The following CFDP1 variants were observed in gnomAD, a reference collection of about 807,000 sequenced individuals.
CFDP1 encodes heterochromatin-stabilizing protein CFDP1.
Under a neutral mutation model 40.1 loss-of-function variants are expected in CFDP1, and 31 were observed. That is an observed-to-expected ratio of 0.77 (90% CI 0.58 to 1.04). The LOEUF (loss-of-function observed/expected upper bound fraction) is 1.04, where lower values mean the gene tolerates loss of function less well. Among genes scored for constraint, CFDP1 ranks in the 50% least tolerant of loss-of-function variants. The pLI is 0.00. For synonymous variants in CFDP1, 167 were observed against 120.0 expected, an observed-to-expected ratio of 1.39 and a Z score of -2.56; for missense variants, 423 against 343.4, an observed-to-expected ratio of 1.23 and a Z score of -1.83.
intron 5 of CFDP1, among the ~76,000 whole-genome samples, chr16:75,351,719 G>T (rs1482182453): frequency 3.9e-5 from 6 of 152,148 alleles, no homozygotes; most frequent in Admixed American, 3.9e-4. Context: ...GATATGAAAA[G>T]GTAAATAGCC....
intron 5 of CFDP1, among the ~76,000 whole-genome samples, chr16:75,335,945 A>T (rs2078485173): frequency 1.3e-5 from 2 of 152,300 alleles, no homozygotes; most frequent in African/African-American, 4.8e-5. Flanking sequence ...TAGCGGTTCG[A>T]CCTAACACAA....
At chr16:75,351,169 A>G (rs959955159) in intron 5 of CFDP1, among the ~76,000 whole-genome samples, 1 of 152,226 alleles carries the variant, frequency 6.6e-6, no homozygotes, top group Non-Finnish European at 1.5e-5. Flanking sequence ...CAGATTTAAG[A>G]TAACCTGAGA....
chr16:75,353,810 A>T (rs2078628820), intron 5 of CFDP1, among the ~76,000 whole-genome samples: 1 of 151,932 alleles, frequency 6.6e-6, no homozygotes, highest in Non-Finnish European at 1.5e-5. Flanking sequence ...GTAGATTTAA[A>T]AAATGGACCA....
intron 5 of CFDP1, among the ~76,000 whole-genome samples, chr16:75,381,581 G>T (rs2078852544): frequency 6.6e-6 from 1 of 152,132 alleles, no homozygotes; most frequent in Non-Finnish European, 1.5e-5. Context: ...TTTTGGCCCA[G>T]CAGATGAGAA....
intron 5 of CFDP1, among the ~76,000 whole-genome samples, chr16:75,315,877 T>C (rs2078320628): frequency 6.6e-6 from 1 of 152,182 alleles, no homozygotes; most frequent in Non-Finnish European, 1.5e-5. Context: ...CCTCCCAAAA[T>C]GGCCTCGTTA....
rs577761838 is a variant in CFDP1 at position 75,347,552 on chromosome 16, A to G, written c.651-42370T>C. 2.1e-3 allele frequency among the ~76,000 whole-genome samples: 309 copies of G among 147,046 alleles called. 2 individuals carry two copies. The highest frequency in any genetic ancestry group is 3.6e-3 in the Non-Finnish European group (242 of 66,670). Reference sequence around the variant, plus strand: ...AAATTAGCTGAGTGCAGTGTCAGGCACCTGTAGTCCCAGCTACTCGGGAGG... The same window carrying G: ...AAATTAGCTGAGTGCAGTGTCAGGCGCCTGTAGTCCCAGCTACTCGGGAGG... On this transcript the variant is annotated intron_variant, in intron 5 of 6. Coordinates refer to ENST00000283882, the MANE Select transcript of CFDP1 (RefSeq NM_006324.3).
intron 1 of CFDP1, among the ~76,000 whole-genome samples, chr16:75,420,068 G>C (rs1054721889): frequency 7.4e-6 from 1 of 134,934 alleles, no homozygotes; most frequent in South Asian, 2.3e-4. Context: ...CTTGAGCCCA[G>C]GAATTTGAGT....
intron 5 of CFDP1, among the ~76,000 whole-genome samples, chr16:75,361,597 A>G (rs2078679636): frequency 6.6e-6 from 1 of 152,148 alleles, no homozygotes; most frequent in Admixed American, 6.5e-5. Context: ...AGCCTGGGCA[A>G]CAGAGCAAGA....
chr16:75,408,396 G>T (rs755070598), intron 4 of CFDP1, among the ~76,000 whole-genome samples: 24 of 152,038 alleles, frequency 1.6e-4, no homozygotes, highest in Non-Finnish European at 2.9e-4. Flanking sequence ...ACCTACAAAT[G>T]ATCCCCCAGG....
chr16:75,380,245 A>G (rs968583645), intron 5 of CFDP1: 11 of 152,362 alleles, frequency 7.2e-5, no homozygotes, highest in South Asian at 2.1e-4. Context: ...TTTTCCAGAT[A>G]AAGACCTAGA....
At chr16:75,315,084 C>T (rs957973205) in intron 5 of CFDP1, among the ~76,000 whole-genome samples, 1 of 152,030 alleles carries the variant, frequency 6.6e-6, no homozygotes, top group Non-Finnish European at 1.5e-5. Context: ...AATGTGTTTC[C>T]TGGATTCACA....
rs141870101 is a variant in CFDP1 at position 75,318,301 on chromosome 16, C to T, written c.651-13119G>A. 2.4e-4 allele frequency among the ~76,000 whole-genome samples: 37 copies of T among 152,228 alleles called. No individual in the cohort carries two copies. In the East Asian group the frequency reaches 6.0e-3, roughly 25 times the overall value. On this transcript the variant is annotated intron_variant, in intron 5 of 6. Coordinates refer to ENST00000283882, the MANE Select transcript of CFDP1 (RefSeq NM_006324.3). ...ACATGGCCAGGCAAATAGCACATCT[C>T]GCCAACTAAGTCAACAGGACAAAGC...
intron 5 of CFDP1, among the ~76,000 whole-genome samples, chr16:75,370,692 G>A (rs911753802): frequency 5.3e-5 from 8 of 151,916 alleles, no homozygotes; most frequent in Non-Finnish European, 1.0e-4. Context: ...GCAAAACCCC[G>A]TCTCTACTAA....
rs2078595193 is a variant in CFDP1, at chr16:75,349,667, A to AT, written c.651-44486_651-44485insA. Among the ~76,000 whole-genome samples, 11 of 47,994 alleles carry AT rather than the reference A, an allele frequency of 2.3e-4. 1 individual carries two copies. The highest frequency in any genetic ancestry group is 2.3e-4 in the Non-Finnish European group (6 of 26,090). 31.5% of individuals were successfully genotyped at this position (47,994 alleles called of 152,430 possible). On this transcript the variant is annotated intron_variant, in intron 5 of 6. Coordinates refer to ENST00000283882, the MANE Select transcript of CFDP1 (RefSeq NM_006324.3). ...CTCCGTCTCAAAAAAAAAAAAAAAA[A>AT]AAAAAAAAAAAAAAAAAAAAAAAAT...
intron 5 of CFDP1, among the ~76,000 whole-genome samples, chr16:75,381,049 G>C (rs989293302): frequency 6.6e-6 from 1 of 152,216 alleles, no homozygotes; most frequent in South Asian, 2.1e-4. Flanking sequence ...GTGGCACGTA[G>C]AGTGGAGAGA....
chr16:75,392,545 G>A (rs1260646056), intron 5 of CFDP1, among the ~76,000 whole-genome samples: 3 of 152,064 alleles, frequency 2.0e-5, no homozygotes, highest in African/African-American at 4.8e-5. Flanking sequence ...TCGCCCAGGC[G>A]GGAGTGCAGT....
chr16:75,410,274 G>A (rs1457641605), intron 4 of CFDP1, among the ~76,000 whole-genome samples: 1 of 151,944 alleles, frequency 6.6e-6, no homozygotes, highest in Non-Finnish European at 1.5e-5. Context: ...TTATTGATTG[G>A]CACTTCCTCT....
At chr16:75,332,270 G>A (rs925446117) in intron 5 of CFDP1, among the ~76,000 whole-genome samples, 17 of 151,958 alleles carry the variant, frequency 1.1e-4, no homozygotes, top group Non-Finnish European at 1.8e-4. Context: ...TTCGAGACCC[G>A]CCTGGACAAT....
chr16:75,379,284 C>A (rs1248939286), intron 5 of CFDP1, among the ~76,000 whole-genome samples: 5 of 150,922 alleles, frequency 3.3e-5, no homozygotes, highest in African/African-American at 4.9e-5. Context: ...TGAAACAGAG[C>A]TGGTTCTTTG....
Sources: gnomAD v4.1 joint callset for allele counts (sites outside exome capture counted in the v4.1 genomes callset) on GRCh38, gnomAD v4.1.1 for gene constraint, MANE v1.5 for transcripts, NCBI Gene and HGNC (gene_info 2026-07-23, HGNC 2026-07-21) for gene names.